XKR9: variants seen among roughly 807,000 people sequenced by gnomAD.
XKR9 encodes the protein XK-related protein 9.
In XKR9, 32 loss-of-function variants were observed where a neutral mutation model predicts 32.0. The observed-to-expected ratio is 1.00, with a 90% CI of 0.76 to 1.34. The LOEUF is 1.34. Among genes scored for constraint, XKR9 ranks in the 40% most tolerant of loss-of-function variants. The probability of loss-of-function intolerance (pLI) is 0.00; values close to 1 mark genes in which losing one functional copy is unlikely to be tolerated. For synonymous variants in XKR9, 168 were observed against 143.4 expected, an observed-to-expected ratio of 1.17 and a Z score of -1.22; for missense variants, 546 against 429.7, an observed-to-expected ratio of 1.27 and a Z score of -2.39.
the XKR9 span, among the ~76,000 whole-genome samples, chr8:70,934,718 T>C: frequency 6.6e-6 from 1 of 151,904 alleles, no homozygotes; most frequent in Non-Finnish European, 1.5e-5. Context: ...TATGCAAAAA[T>C]AAATGAATTA....
At chr8:70,821,030 C>T in the XKR9 span, among the ~76,000 whole-genome samples, 1 of 152,148 alleles carries the variant, frequency 6.6e-6, no homozygotes, top group Non-Finnish European at 1.5e-5. Context: ...AGTGCAAAGC[C>T]TCATTTGAGA....
the XKR9 span, among the ~76,000 whole-genome samples, chr8:71,009,990 G>A: frequency 6.6e-6 from 1 of 152,118 alleles, no homozygotes; most frequent in African/African-American, 2.4e-5. Context: ...TGAAAAGTAC[G>A]GCATCATCTG....
At chr8:71,017,005 T>G in the XKR9 span, among the ~76,000 whole-genome samples, 1 of 152,208 alleles carries the variant, frequency 6.6e-6, no homozygotes, top group Non-Finnish European at 1.5e-5. Context: ...TCTGAGATAG[T>G]TTTGCAATTA....
intron 2 of XKR9, among the ~76,000 whole-genome samples, chr8:70,750,872 TA>T (rs764040432): frequency 3.3e-5 from 5 of 152,248 alleles, no homozygotes; most frequent in Non-Finnish European, 5.9e-5. Context: ...AAAAATGTTG[TA>T]CTGGATATTT....
chr8:70,866,728 A>AC, the XKR9 span, among the ~76,000 whole-genome samples: 1 of 151,380 alleles, frequency 6.6e-6, no homozygotes. Context: ...TCAAGTCATC[A>AC]CCCCCCTTGG....
intron 2 of XKR9, among the ~76,000 whole-genome samples, chr8:70,746,108 G>T (rs1209178209): frequency 6.6e-6 from 1 of 151,834 alleles, no homozygotes; most frequent in East Asian, 1.9e-4. Flanking sequence ...CTTTTATTTT[G>T]TGAAAGTGGG....
the XKR9 span, among the ~76,000 whole-genome samples, chr8:70,891,973 T>G: frequency 1.2e-4 from 19 of 152,096 alleles, 1 homozygote; most frequent in Admixed American, 1.0e-3. Context: ...AATTGTTATA[T>G]GCTTTTGCTG....
At chr8:70,692,538 T>A (rs1805114219) in intron 3 of XKR9, among the ~76,000 whole-genome samples, 1 of 152,120 alleles carries the variant, frequency 6.6e-6, no homozygotes, top group African/African-American at 2.4e-5. Context: ...CCATTCGGTA[T>A]GATGTTGGCT....
chr8:71,036,123 C>T, the XKR9 span, among the ~76,000 whole-genome samples: 1 of 152,150 alleles, frequency 6.6e-6, no homozygotes, highest in Non-Finnish European at 1.5e-5. Flanking sequence ...GCCATGTAAA[C>T]TTATATGAAA....
At chr8:70,762,124 G>C (rs942095676) in intron 2 of XKR9, among the ~76,000 whole-genome samples, 5 of 152,014 alleles carry the variant, frequency 3.3e-5, no homozygotes, top group African/African-American at 1.2e-4. Context: ...TTTGAAGTTG[G>C]GTAGTGTGAT....
At chr8:70,728,744 CA>C (rs1806561629) in intron 4 of XKR9, among the ~76,000 whole-genome samples, 1 of 152,144 alleles carries the variant, frequency 6.6e-6, no homozygotes, top group African/African-American at 2.4e-5. Context: ...AATTTGTTTA[CA>C]AAATGAACTT....
chr8:71,015,500 T>C, the XKR9 span, among the ~76,000 whole-genome samples: 2 of 152,216 alleles, frequency 1.3e-5, no homozygotes, highest in African/African-American at 4.8e-5. Context: ...AAAATAGCTC[T>C]ACATAGCAAA....
At chr8:70,835,137 A>T in the XKR9 span, among the ~76,000 whole-genome samples, 2 of 151,938 alleles carry the variant, frequency 1.3e-5, no homozygotes, top group Admixed American at 6.6e-5. Context: ...ATAAGGAAGA[A>T]GCTTAGTTCT....
the XKR9 span, among the ~76,000 whole-genome samples, chr8:71,062,271 G>T: frequency 6.6e-6 from 1 of 152,140 alleles, no homozygotes; most frequent in East Asian, 1.9e-4. Flanking sequence ...CATCGACTGG[G>T]TGGCTTTATT....
chr8:70,950,576 C>A, the XKR9 span, among the ~76,000 whole-genome samples: 1 of 152,142 alleles, frequency 6.6e-6, no homozygotes, highest in Admixed American at 6.5e-5. Flanking sequence ...GGAGGACAGC[C>A]TTGAGTTTCG....
chr8:71,017,738 G>A, the XKR9 span, among the ~76,000 whole-genome samples: 1 of 152,172 alleles, frequency 6.6e-6, no homozygotes, highest in Non-Finnish European at 1.5e-5. Flanking sequence ...GAGCTCATGA[G>A]CTCGGGTACT....
the XKR9 span, among the ~76,000 whole-genome samples, chr8:71,007,972 G>T: frequency 1.3e-3 from 198 of 152,106 alleles, no homozygotes; most frequent in African/African-American, 4.6e-3. Flanking sequence ...AATGGTAAAG[G>T]CTGTAAGAAA....
downstream of XKR9, among the ~76,000 whole-genome samples, chr8:70,739,833 A>G (rs2130158263): frequency 6.6e-6 from 1 of 152,318 alleles, no homozygotes; most frequent in South Asian, 2.1e-4. Flanking sequence ...CTGCCGAGAG[A>G]TCCGCCGTTG....
At chr8:70,724,823 C>T (rs1268366203) in intron 4 of XKR9, among the ~76,000 whole-genome samples, 1 of 152,162 alleles carries the variant, frequency 6.6e-6, no homozygotes, top group Non-Finnish European at 1.5e-5. Context: ...CATATTTGGC[C>T]ATCTTAGTCT....
Sources: gnomAD v4.1 joint callset for allele counts (sites outside exome capture counted in the v4.1 genomes callset) on GRCh38, gnomAD v4.1.1 for gene constraint, MANE v1.5 for transcripts, NCBI Gene and HGNC (gene_info 2026-07-23, HGNC 2026-07-21) for gene names.